PTPRG: variants seen among roughly 807,000 people sequenced by gnomAD.
PTPRG encodes protein tyrosine phosphatase receptor type G, also known as receptor-type tyrosine-protein phosphatase gamma.
In PTPRG, 102 loss-of-function variants were observed where a neutral mutation model predicts 165.3. The ratio of observed to expected loss-of-function variants is 0.62; its 90% confidence interval spans 0.53 to 0.73. The LOEUF (loss-of-function observed/expected upper bound fraction) is 0.73. Among genes scored for constraint, PTPRG ranks in the 30% least tolerant of loss-of-function variants. The pLI is 0.00. For synonymous variants in PTPRG, 675 were observed against 669.5 expected, an observed-to-expected ratio of 1.01 and a Z score of -0.13; for missense variants, 1,866 against 1,861.4, an observed-to-expected ratio of 1.00 and a Z score of -0.05.
chr3:61,917,249 C>G lies in PTPRG; in HGVS notation c.191-72376C>G, dbSNP rs146248030. ...AAACCTCCTGCCCTGCAGTGGCTCA[C>G]ATCAGTGCATTGCTATGTCAGGCTG... On this transcript the variant is annotated intron_variant, in intron 2 of 29. Coordinates refer to ENST00000474889, the MANE Select transcript of PTPRG (RefSeq NM_002841.4). Among the ~76,000 whole-genome samples the G allele has an allele frequency of 6.3e-4, 96 of 152,324 alleles. No individual in the cohort carries two copies. The East Asian group carries it at 0.018, about 28-fold the overall frequency.
At chr3:61,621,012 C>A (rs1222894051) in intron 1 of PTPRG, among the ~76,000 whole-genome samples, 1 of 127,850 alleles carries the variant, frequency 7.8e-6, no homozygotes, top group Non-Finnish European at 1.8e-5. Flanking sequence ...AAAATTTGGA[C>A]CCATGCCCCA....
chr3:61,612,486 C>G, intron 1 of PTPRG, among the ~76,000 whole-genome samples: 1 of 152,198 alleles, frequency 6.6e-6, no homozygotes, highest in Non-Finnish European at 1.5e-5. Flanking sequence ...TGGCCTGTTT[C>G]CAGTTAGAAA....
chr3:61,608,317 C>T (rs989475610), intron 1 of PTPRG, among the ~76,000 whole-genome samples: 5 of 152,174 alleles, frequency 3.3e-5, no homozygotes, highest in Non-Finnish European at 7.3e-5. Flanking sequence ...GAAGCCAGAC[C>T]CTAGCTCCAG....
intron 1 of PTPRG, among the ~76,000 whole-genome samples, chr3:61,738,313 CATATAT>C (rs1287861300): frequency 6.0e-4 from 46 of 76,190 alleles, no homozygotes; most frequent in South Asian, 1.1e-3. Flanking sequence ...TATATATATA[CATATAT>C]ATATATATAT....
intron 6 of PTPRG, among the ~76,000 whole-genome samples, chr3:62,153,497 C>G (rs1442486658): frequency 1.3e-5 from 2 of 152,076 alleles, no homozygotes; most frequent in Admixed American, 6.5e-5. Context: ...CTAGACTGCT[C>G]ATGCTGATGG....
In PTPRG at chr3:62,223,452, C is replaced by T. The variant is rs80136534; in HGVS notation, c.2288+4469C>T. Among the ~76,000 whole-genome samples the T allele has an allele frequency of 1.0e-2, 1,521 of 152,270 alleles. 8 individuals are homozygous for T. Among genetic ancestry groups the T allele is most frequent in the Middle Eastern group, 0.031 (9 of 294 alleles). ...CACAGATTTACATATACATAAATAG[C>T]ATTGTGCATTCGTGGTATTAAAATT... On this transcript the variant is annotated intron_variant, in intron 13 of 29. Coordinates refer to ENST00000474889, the MANE Select transcript of PTPRG (RefSeq NM_002841.4).
chr3:61,867,945 A>T (rs1301230409), intron 2 of PTPRG, among the ~76,000 whole-genome samples: 1 of 152,064 alleles, frequency 6.6e-6, no homozygotes, highest in African/African-American at 2.4e-5. Flanking sequence ...TGGTCTGCTT[A>T]CCTTTCTCTA....
At chr3:61,907,040 A>G (rs566137757) in intron 2 of PTPRG, among the ~76,000 whole-genome samples, 7 of 152,230 alleles carry the variant, frequency 4.6e-5, no homozygotes, top group African/African-American at 1.4e-4. Flanking sequence ...AAAACACACA[A>G]TGTTTGAAAT....
intron 1 of PTPRG, among the ~76,000 whole-genome samples, chr3:61,604,548 A>C (rs1700949402): frequency 6.6e-6 from 1 of 152,202 alleles, no homozygotes; most frequent in Non-Finnish European, 1.5e-5. Context: ...TTGTCACATC[A>C]GTTCTCCTTT....
chr3:61,988,495 T>G (rs2040813435), intron 2 of PTPRG, among the ~76,000 whole-genome samples: 1 of 152,162 alleles, frequency 6.6e-6, no homozygotes, highest in Non-Finnish European at 1.5e-5. Flanking sequence ...TAGACTTACC[T>G]ACTAATAAAC....
chr3:61,833,094 T>TGTGTGG (rs2036352914), intron 2 of PTPRG, among the ~76,000 whole-genome samples: 1 of 151,980 alleles, frequency 6.6e-6, no homozygotes, highest in Admixed American at 6.6e-5. Context: ...TGTGTGTGTG[T>TGTGTGG]GTACACAGTT....
rs928004389 is a variant in PTPRG at position 62,150,557 on chromosome 3, G to A, written c.683-6510G>A. On this transcript the variant is annotated intron_variant, in intron 6 of 29. Coordinates refer to ENST00000474889, the MANE Select transcript of PTPRG (RefSeq NM_002841.4). ...CATCTTCCATTTCTAATGACTTAAT[G>A]CCCAATTCTTTCCACTATCCACTCC... 5.3e-5 allele frequency among the ~76,000 whole-genome samples: 8 copies of A among 152,234 alleles called. 1 individual carries two copies. The East Asian group carries it at 9.7e-4, about 18-fold the overall frequency.
chr3:62,147,403 A>G (rs1332538447), intron 6 of PTPRG, among the ~76,000 whole-genome samples: 1 of 152,236 alleles, frequency 6.6e-6, no homozygotes, highest in Admixed American at 6.5e-5. Flanking sequence ...GGCTTCTACT[A>G]GACTCAGAAA....
chr3:62,189,199 C>T (rs1043095348), intron 8 of PTPRG, among the ~76,000 whole-genome samples: 1 of 152,144 alleles, frequency 6.6e-6, no homozygotes, highest in African/African-American at 2.4e-5. Flanking sequence ...TCCTCCCTCC[C>T]TCCCTTCCTT....
chr3:62,120,140 G>A (rs1703011355), intron 5 of PTPRG, among the ~76,000 whole-genome samples: 1 of 152,040 alleles, frequency 6.6e-6, no homozygotes, highest in Non-Finnish European at 1.5e-5. Context: ...CCAGTGGGCA[G>A]CCAGGGTAAA....
At chr3:62,130,214 A>C (rs2106920148) in intron 5 of PTPRG, among the ~76,000 whole-genome samples, 1 of 152,294 alleles carries the variant, frequency 6.6e-6, no homozygotes, top group Non-Finnish European at 1.5e-5. Flanking sequence ...CAGTGAGTCT[A>C]GAAGAACGTT....
chr3:62,107,477 C>A (rs1702512511), intron 5 of PTPRG, among the ~76,000 whole-genome samples: 4 of 152,204 alleles, frequency 2.6e-5, no homozygotes, highest in Non-Finnish European at 5.9e-5. Flanking sequence ...AAGTCCCAGG[C>A]AATAACCTGC....
intron 1 of PTPRG, among the ~76,000 whole-genome samples, chr3:61,608,562 TGAG>T: frequency 6.6e-6 from 1 of 152,304 alleles, no homozygotes; most frequent in East Asian, 1.9e-4. Flanking sequence ...GGTACAAGGT[TGAG>T]GAGAGCTGAC....
At chr3:62,008,634 C>G (rs2041349362) in intron 4 of PTPRG, among the ~76,000 whole-genome samples, 1 of 152,212 alleles carries the variant, frequency 6.6e-6, no homozygotes, top group Admixed American at 6.5e-5. Context: ...GGTCCCCAAC[C>G]TTTTCGACAC....
Sources: allele counts gnomAD v4.1 joint callset (sites outside exome capture counted in the v4.1 genomes callset), GRCh38; gene constraint gnomAD v4.1.1; transcripts MANE v1.5; gene names NCBI Gene and HGNC (gene_info 2026-07-23, HGNC 2026-07-21).